The following KCNJ6 variants were observed in gnomAD, a reference collection of about 807,000 sequenced individuals.
The protein encoded by KCNJ6 is potassium inwardly rectifying channel subfamily J member 6, also known as G protein-activated inward rectifier potassium channel 2.
KCNJ6 carries 9 observed loss-of-function variants against 34.2 expected under a neutral mutation model. That is an observed-to-expected ratio of 0.26 (90% CI 0.16 to 0.46). The LOEUF (loss-of-function observed/expected upper bound fraction) is 0.46, where lower values mean the gene tolerates loss of function less well. KCNJ6 is among the 20% of genes least tolerant of loss of function. KCNJ6 has a pLI of 1.00. For synonymous variants in KCNJ6, 196 were observed against 207.1 expected (o/e 0.95, Z 0.46); for missense variants, 236 against 531.3 (o/e 0.44, Z 5.46).
chr21:37,750,584 T>C (rs1325994904), intron 2 of KCNJ6, among the ~76,000 whole-genome samples: 1 of 152,178 alleles, frequency 6.6e-6, no homozygotes, highest in Non-Finnish European at 1.5e-5. Flanking sequence ...TGCAGGGACA[T>C]GGATGAAGTT....
intron 3 of KCNJ6, among the ~76,000 whole-genome samples, chr21:37,653,437 T>C (rs752134136): frequency 9.2e-5 from 14 of 152,002 alleles, no homozygotes; most frequent in Non-Finnish European, 1.8e-4. Flanking sequence ...CAGAAGCAGA[T>C]GGGGAGATGT....
At chr21:37,744,288 T>A (rs1199906499) in intron 2 of KCNJ6, among the ~76,000 whole-genome samples, 1 of 151,928 alleles carries the variant, frequency 6.6e-6, no homozygotes, top group Non-Finnish European at 1.5e-5. Context: ...ATTGTGCACA[T>A]GTACCCTAAA....
chr21:37,766,864 G>A (rs929576747), intron 2 of KCNJ6, among the ~76,000 whole-genome samples: 9 of 152,132 alleles, frequency 5.9e-5, no homozygotes, highest in Non-Finnish European at 1.3e-4. Flanking sequence ...ACAGAAGCAC[G>A]AACCCTACTG....
intron 2 of KCNJ6, among the ~76,000 whole-genome samples, chr21:37,748,218 G>C (rs772600801): frequency 2.6e-5 from 4 of 152,220 alleles, no homozygotes; most frequent in Non-Finnish European, 5.9e-5. Context: ...CTCAGAGCCA[G>C]TTTAATTGGA....
chr21:37,657,922 G>A (rs1569439649), intron 3 of KCNJ6, among the ~76,000 whole-genome samples: 1 of 152,232 alleles, frequency 6.6e-6, no homozygotes, highest in Non-Finnish European at 1.5e-5. Context: ...CTGGTAGAGT[G>A]GTGAGTCGGG....
intron 1 of KCNJ6, among the ~76,000 whole-genome samples, chr21:37,859,355 A>G (rs2055580912): frequency 6.6e-6 from 1 of 151,270 alleles, no homozygotes; most frequent in African/African-American, 2.4e-5. Flanking sequence ...ATGTGTGAGC[A>G]TATGAATAGG....
chr21:37,634,426 G>A (rs1014829948), intron 3 of KCNJ6, among the ~76,000 whole-genome samples: 2 of 152,168 alleles, frequency 1.3e-5, no homozygotes, highest in African/African-American at 4.8e-5. Context: ...TGTACAGCCT[G>A]CAGAATCAAG....
intron 1 of KCNJ6, among the ~76,000 whole-genome samples, chr21:37,906,820 G>A (rs143948765): frequency 2.4e-4 from 37 of 152,246 alleles, no homozygotes; most frequent in Admixed American, 1.1e-3. Context: ...TTTATTTGCC[G>A]TCCTCTTTCT....
At chr21:37,914,877 T>C (rs1216093315) in intron 1 of KCNJ6, among the ~76,000 whole-genome samples, 1 of 151,510 alleles carries the variant, frequency 6.6e-6, no homozygotes, top group Non-Finnish European at 1.5e-5. Context: ...ACTCTAAACA[T>C]ATAATACATC....
chr21:37,810,424 G>A (rs935162626), intron 2 of KCNJ6, among the ~76,000 whole-genome samples: 3 of 152,212 alleles, frequency 2.0e-5, no homozygotes, highest in Non-Finnish European at 2.9e-5. Flanking sequence ...GGGATTGTAA[G>A]GGCAAGAGCA....
intron 3 of KCNJ6, among the ~76,000 whole-genome samples, chr21:37,684,806 A>C (rs1270489023): frequency 2.6e-5 from 4 of 152,252 alleles, no homozygotes; most frequent in African/African-American, 4.8e-5. Flanking sequence ...CTCAGTCTAA[A>C]AATTAAACTG....
At chr21:37,708,910 T>A (rs1180989457) in intron 3 of KCNJ6, among the ~76,000 whole-genome samples, 1 of 152,172 alleles carries the variant, frequency 6.6e-6, no homozygotes, top group Non-Finnish European at 1.5e-5. Flanking sequence ...TCTCATATTC[T>A]CCCCTGCTAG....
At chr21:37,783,622 C>A (rs974089675) in intron 2 of KCNJ6, among the ~76,000 whole-genome samples, 1 of 152,194 alleles carries the variant, frequency 6.6e-6, no homozygotes, top group Non-Finnish European at 1.5e-5. Flanking sequence ...CAGCCTGCAA[C>A]CTGAATACCT....
At chr21:37,743,661 A>G (rs1027001706) in intron 2 of KCNJ6, among the ~76,000 whole-genome samples, 2 of 152,102 alleles carry the variant, frequency 1.3e-5, no homozygotes, top group Non-Finnish European at 2.9e-5. Flanking sequence ...CCCTCTCCAG[A>G]TGCTAGCCCC....
chr21:37,832,443 T>C (rs2055430829), intron 2 of KCNJ6, among the ~76,000 whole-genome samples: 1 of 152,104 alleles, frequency 6.6e-6, no homozygotes, highest in Non-Finnish European at 1.5e-5. Context: ...CTACAGGATC[T>C]ACAGAAATCT....
chr21:37,785,188 G>A (rs2055187056), intron 2 of KCNJ6, among the ~76,000 whole-genome samples: 1 of 152,194 alleles, frequency 6.6e-6, no homozygotes, highest in Non-Finnish European at 1.5e-5. Flanking sequence ...CTGAGATCCA[G>A]CATGGGCCCA....
chr21:37,819,745 G>T (rs1435012337), intron 2 of KCNJ6, among the ~76,000 whole-genome samples: 1 of 151,404 alleles, frequency 6.6e-6, no homozygotes, highest in Non-Finnish European at 1.5e-5. Flanking sequence ...TCTTACTTCT[G>T]TCATGCAAAG....
chr21:37,863,748 G>A (rs1047668419), intron 1 of KCNJ6, among the ~76,000 whole-genome samples: 6 of 150,350 alleles, frequency 4.0e-5, no homozygotes, highest in Non-Finnish European at 8.8e-5. Flanking sequence ...TGCTACTTAT[G>A]TGCACTGCTG....
chr21:37,725,591 G>C (rs565029111), intron 2 of KCNJ6, among the ~76,000 whole-genome samples: 1 of 152,360 alleles, frequency 6.6e-6, no homozygotes, highest in East Asian at 1.9e-4. Context: ...AGTCTTTCCG[G>C]AAGGAAGGGT....
Sources: gnomAD v4.1 joint callset for allele counts (sites outside exome capture counted in the v4.1 genomes callset) on GRCh38, gnomAD v4.1.1 for gene constraint, MANE v1.5 for transcripts, NCBI Gene and HGNC (gene_info 2026-07-23, HGNC 2026-07-21) for gene names.